Variants in COL18A1 observed in about 807,000 individuals in gnomAD.
COL18A1 encodes the protein collagen alpha-1(XVIII) chain.
A neutral mutation model predicts 168.0 loss-of-function variants in COL18A1; 133 were observed. The observed-to-expected ratio is 0.79, with a 90% CI of 0.69 to 0.91. The LOEUF (loss-of-function observed/expected upper bound fraction) is 0.91. Ranked by LOEUF, COL18A1 falls within the 40% of genes least tolerant of loss-of-function variation. The pLI is 0.00. For synonymous variants in COL18A1, 949 were observed against 809.0 expected (o/e 1.17, Z -2.94); for missense variants, 2,126 against 1,925.4 (o/e 1.10, Z -1.95).
intron 2 of COL18A1, chr21:45,419,852 C>G (rs1054423070): frequency 2.6e-5 from 4 of 152,220 alleles, no homozygotes; most frequent in African/African-American, 7.2e-5. Flanking sequence ...CTCAGTTCTC[C>G]CTCCCTGGAC....
At chr21:45,452,713 A>G (rs8132201) in intron 2 of COL18A1, among the ~76,000 whole-genome samples, 30,436 of 149,836 alleles carry the variant, frequency 0.2, 3,990 homozygotes, top group African/African-American at 0.37. Context: ...GTATGCATGA[A>G]TATTCACATG....
At chr21:45,409,511 G>T (rs551375539) in intron 2 of COL18A1, among the ~76,000 whole-genome samples, 1 of 152,104 alleles carries the variant, frequency 6.6e-6, no homozygotes, top group East Asian at 2.0e-4. Context: ...CCTTTTCAAG[G>T]CCCAGGCACC....
At chr21:45,438,102 TCA>T (rs762301388) in intron 2 of COL18A1, among the ~76,000 whole-genome samples, 1 of 66,256 alleles carries the variant, frequency 1.5e-5, no homozygotes, top group Non-Finnish European at 3.0e-5. Context: ...ACACTCACAC[TCA>T]CACTCAGACA....
At chr21:45,430,660 C>T (rs755369000) in intron 2 of COL18A1, among the ~76,000 whole-genome samples, 22 of 152,152 alleles carry the variant, frequency 1.4e-4, no homozygotes, top group Non-Finnish European at 2.8e-4. Flanking sequence ...GTGGAGATGG[C>T]GCGTCTCGGC....
rs201006742 is a variant in COL18A1, at chr21:45,510,233, G to A, written c.3665G>A (p.Arg1222His). The change falls in exon 40 of 42, where the codon CGC (arginine) becomes CAC (histidine). Residue 1222 changes from arginine to histidine, a missense_variant. Arg to His is a conservative substitution (Grantham distance 29). Coordinates refer to ENST00000651438, the MANE Select transcript of COL18A1 (RefSeq NM_001379500.1). ...TACAGCATCGTGCGCCGTGCCGACC[G>A]CGCAGCCGTGCCCATCGTCAACCTC... ...DLYSIVRRAD[R>H]AAVPIVNLKD... The A allele has an allele frequency of 7.1e-4, 1,133 of 1,606,156 alleles. 1 individual carries two copies. The highest frequency in any genetic ancestry group is 5.7e-3 in the African/African-American group (426 of 74,818).
rs1184709265 is a variant in COL18A1 at position 45,405,299 on chromosome 21, G to GGCTGGGTCCTGCGGGGGTCC, written c.11+58_11+59insGCTGGGTCCTGCGGGGGTCC. On this transcript the variant is annotated intron_variant, in intron 1 of 41. Coordinates refer to ENST00000651438, the MANE Select transcript of COL18A1 (RefSeq NM_001379500.1). ...ACGCCAAGATGCGGCTGCGGGGGTC[G>GGCTGGGTCCTGCGGGGGTCC]CGGGGGTCGCGGGGCTCGGCCGGGT... 12 of 490,136 alleles carry GGCTGGGTCCTGCGGGGGTCC rather than the reference G, an allele frequency of 2.4e-5. 1 individual carries two copies. The highest frequency in any genetic ancestry group is 7.4e-5 in the East Asian group (1 of 13,566). 30.4% of individuals were successfully genotyped at this position (490,136 alleles called of 1,614,324 possible). A position where few individuals can be genotyped will look rare whatever the true frequency, so the allele number is the denominator to read the frequency against.
At chr21:45,422,349 C>T (rs1602348416) in intron 2 of COL18A1, 1 of 425,146 alleles carries the variant, frequency 2.4e-6, no homozygotes, top group Non-Finnish European at 4.9e-6. Context: ...AGGCCCTGGG[C>T]TTGGTGGGCA....
chr21:45,453,208 G>A (rs146186001), intron 2 of COL18A1, among the ~76,000 whole-genome samples: 1 of 152,208 alleles, frequency 6.6e-6, no homozygotes, highest in African/African-American at 2.4e-5. Flanking sequence ...TGTGTGACAT[G>A]TGAGCATGTA....
At chr21:45,452,824 A>G (rs549268969) in intron 2 of COL18A1, among the ~76,000 whole-genome samples, 75 of 150,402 alleles carry the variant, frequency 5.0e-4, no homozygotes, top group Non-Finnish European at 8.7e-4. Context: ...GCATGTGAGC[A>G]TGTATGACAT....
Position 45,494,588 on chromosome 21 carries a change from C to G in COL18A1, c.2379+17C>G, listed in dbSNP as rs1339361913. On this transcript the variant is annotated intron_variant, in intron 27 of 41. Coordinates refer to ENST00000651438, the MANE Select transcript of COL18A1 (RefSeq NM_001379500.1). ...GGACCCCCGGTAAGTCGGTCCCTGG[C>G]TTTCTCTGCACTGAGCTCGGGCATG... The G allele has an allele frequency of 3.1e-6, 5 of 1,612,942 alleles. No individual in the cohort carries two copies. Among genetic ancestry groups the G allele is most frequent in the Non-Finnish European group, 4.2e-6 (5 of 1,179,984 alleles).
At position 45,489,483 on chromosome 21, in the gene COL18A1, TA is replaced by T. The variant is rs1321385461; in HGVS notation, c.1924-2del. 2.5e-6 allele frequency: 4 copies of T among 1,600,532 alleles called. No homozygotes were observed. Among genetic ancestry groups the T allele is most frequent in the Non-Finnish European group, 3.4e-6 (4 of 1,173,342 alleles). On this transcript the variant is annotated splice_acceptor_variant, in intron 18 of 41. Coordinates refer to ENST00000651438, the MANE Select transcript of COL18A1 (RefSeq NM_001379500.1). LOFTEE classifies it high-confidence loss of function. ...TGCTCACGGAGCCCCTTTTTTCACT[TA>T]GGGGGATCCTGGCGTGCCTGGGCTG... is the stretch of plus-strand genomic sequence containing the variant.
intron 17 of COL18A1, among the ~76,000 whole-genome samples, chr21:45,488,093 C>T (rs1277035763): frequency 2.0e-5 from 3 of 152,188 alleles, no homozygotes; most frequent in South Asian, 2.1e-4. Flanking sequence ...GAGGAGCCCC[C>T]GGGGCCACAG....
In COL18A1 at chr21:45,476,354, G is replaced by A. The variant is rs759338220; in HGVS notation, c.802G>A (p.Ala268Thr). ...CACCTCCCCTCTCGTCCTCCAGGGCGCGGCCCTAAAACCCAGGCTCCCCGC... is the reference window on the plus strand; with the variant it reads ...CACCTCCCCTCTCGTCCTCCAGGGCACGGCCCTAAAACCCAGGCTCCCCGC... The part of the protein sequence containing the change: ...ARELLREETG[A>T]ALKPRLPAPP... The change falls in exon 6 of 42, where the codon GCG becomes ACG. Residue 268 changes from alanine (A) to threonine (T), a missense_variant. By Grantham distance (58) the Ala-to-Thr change is moderately conservative. Coordinates refer to ENST00000651438, the MANE Select transcript of COL18A1 (RefSeq NM_001379500.1). 29 of 1,613,830 alleles carry A rather than the reference G, an allele frequency of 1.8e-5. No homozygotes were observed. Among genetic ancestry groups the A allele is most frequent in the Non-Finnish European group, 2.3e-5 (27 of 1,179,976 alleles).
At chr21:45,465,904 TG>T (rs985595213) in intron 2 of COL18A1, among the ~76,000 whole-genome samples, 9 of 152,006 alleles carry the variant, frequency 5.9e-5, no homozygotes, top group Non-Finnish European at 1.2e-4. Context: ...ACATTGGGTG[TG>T]GCCCTCGAGG....
rs777900244 is a variant in COL18A1, at chr21:45,493,144, G to A, written c.2215-19G>A. The A allele has an allele frequency of 3.3e-5, 51 of 1,552,164 alleles. No individual in the cohort carries two copies. The Admixed American group carries it at 4.3e-4, about 13-fold the overall frequency. On this transcript the variant is annotated intron_variant, in intron 24 of 41. Coordinates refer to ENST00000651438, the MANE Select transcript of COL18A1 (RefSeq NM_001379500.1). ...GAGATGCCAGCCGCTCGGGCCTCAC[G>A]GCCTGGCCTCCATTCCAGGGACCTG...
At chr21:45,460,398 C>T (rs1033997853) in intron 2 of COL18A1, among the ~76,000 whole-genome samples, 8 of 152,162 alleles carry the variant, frequency 5.3e-5, no homozygotes, top group East Asian at 1.9e-4. Context: ...GCACGAGTCC[C>T]GTGATCTTGG....
chr21:45,418,017 G>A lies in COL18A1; in HGVS notation c.106+12544G>A, dbSNP rs552367970. Reference sequence around the variant, plus strand: ...GGCCAGTCCTGCTGCCGCAGGAACCGAGAAGGGCAGGTGCCTGTTCGTTAA... The same window carrying A: ...GGCCAGTCCTGCTGCCGCAGGAACCAAGAAGGGCAGGTGCCTGTTCGTTAA... On this transcript the variant is annotated intron_variant, in intron 2 of 41. Transcript: ENST00000651438. 2.6e-5 allele frequency among the ~76,000 whole-genome samples: 4 copies of A among 152,352 alleles called. No individual in the cohort carries two copies. The South Asian group carries it at 6.2e-4, about 24-fold the overall frequency.
intron 32 of COL18A1, chr21:45,502,898 T>C (rs528698801): frequency 6.6e-6 from 1 of 152,288 alleles, no homozygotes; most frequent in South Asian, 2.1e-4. Context: ...GCAGGTGAAC[T>C]CTCAGGATGA....
In COL18A1 at chr21:45,512,096, GCCT is replaced by G. The variant is rs562967428; in HGVS notation, c.3810-88_3810-86del. ...CAGCCCCCTGGTAACCCCAGGGCTGGCCTCCTGCCTCCACCTTTCCTGCCCGGG... is the reference window on the plus strand; with the variant it reads ...CAGCCCCCTGGTAACCCCAGGGCTGGCCTGCCTCCACCTTTCCTGCCCGGG... On this transcript the variant is annotated intron_variant, in intron 41 of 41. Transcript: ENST00000651438. The G allele has an allele frequency of 7.0e-4, 974 of 1,398,664 alleles. 3 individuals carry two copies. In the African/African-American group the frequency reaches 0.011, roughly 16 times the overall value. 86.6% of individuals were successfully genotyped at this position (1,398,664 alleles called of 1,614,324 possible).
Sources: gnomAD v4.1 joint callset for allele counts (sites outside exome capture counted in the v4.1 genomes callset) on GRCh38, gnomAD v4.1.1 for gene constraint, MANE v1.5 for transcripts, NCBI Gene and HGNC (gene_info 2026-07-23, HGNC 2026-07-21) for gene names.